DYM: variants seen among roughly 807,000 people sequenced by gnomAD.
DYM encodes dyggve-Melchior-Clausen syndrome protein.
DYM carries 78 observed loss-of-function variants against 93.1 expected under a neutral mutation model. That is an observed-to-expected ratio of 0.84 (90% CI 0.70 to 1.01). DYM has a LOEUF of 1.01. Ranked by LOEUF, DYM falls within the 50% of genes least tolerant of loss-of-function variation. The pLI, the probability that DYM is intolerant of heterozygous loss-of-function variation, is 0.00. For missense variants in DYM, 789 were observed against 845.0 expected (o/e 0.93, Z 0.82); for synonymous variants, 321 against 319.7 (o/e 1.00, Z -0.04).
chr18:49,152,121 T>C (rs1454695575), intron 15 of DYM, among the ~76,000 whole-genome samples: 2 of 152,124 alleles, frequency 1.3e-5, no homozygotes, highest in Non-Finnish European at 2.9e-5. Context: ...TGCAAACACA[T>C]CCTATTTCTT....
rs11437833 is a variant in DYM, at chr18:49,085,606, C to CTTTTT, written c.2025+11791_2025+11795dup. Among the ~76,000 whole-genome samples the CTTTTT allele has an allele frequency of 2.6e-4, 27 of 102,166 alleles. 1 individual carries two copies. The highest frequency in any genetic ancestry group is 4.0e-4 in the African/African-American group (11 of 27,766). 67.0% of individuals were successfully genotyped at this position (102,166 alleles called of 152,430 possible). A position where few individuals can be genotyped will look rare whatever the true frequency, so the allele number is the denominator to read the frequency against. On this transcript the variant is annotated intron_variant, in intron 17 of 17. Transcript: ENST00000675505. ...GGCAGATGAATAAGGACAACTGGTCCTTTTTTTTTTTTTTTTTTTTTGATG... is the reference window on the plus strand; with the variant it reads ...GGCAGATGAATAAGGACAACTGGTCCTTTTTTTTTTTTTTTTTTTTTTTTTTGATG...
intron 2 of DYM, chr18:49,412,903 C>T (rs2072443618): frequency 6.6e-6 from 1 of 152,170 alleles, no homozygotes; most frequent in Non-Finnish European, 1.5e-5. Flanking sequence ...ATTCAGGCAG[C>T]TCTGCTTAAA....
chr18:49,212,340 C>T (rs1242118490), intron 13 of DYM, among the ~76,000 whole-genome samples: 2 of 151,994 alleles, frequency 1.3e-5, no homozygotes, highest in Non-Finnish European at 2.9e-5. Flanking sequence ...AAGAAATACA[C>T]CATGTAGTAC....
At chr18:49,175,825 T>C (rs1415291023) in intron 14 of DYM, among the ~76,000 whole-genome samples, 2 of 152,122 alleles carry the variant, frequency 1.3e-5, no homozygotes, top group Non-Finnish European at 2.9e-5. Context: ...TCAAAAACTC[T>C]ATATATAGTA....
At chr18:49,199,603 C>A (rs1028790491) in intron 14 of DYM, among the ~76,000 whole-genome samples, 1 of 152,190 alleles carries the variant, frequency 6.6e-6, no homozygotes, top group Non-Finnish European at 1.5e-5. Context: ...TTTCATGCCA[C>A]AGAAGTGGCA....
intron 13 of DYM, among the ~76,000 whole-genome samples, chr18:49,252,634 C>A (rs574543462): frequency 6.6e-6 from 1 of 152,152 alleles, no homozygotes; most frequent in Non-Finnish European, 1.5e-5. Flanking sequence ...AAGTCATAGA[C>A]ATATATGTGA....
intron 15 of DYM, among the ~76,000 whole-genome samples, chr18:49,124,575 C>T (rs2082653049): frequency 6.6e-6 from 1 of 151,702 alleles, no homozygotes; most frequent in South Asian, 2.1e-4. Flanking sequence ...CTTTGCATGA[C>T]TCTGACTAAA....
intron 15 of DYM, among the ~76,000 whole-genome samples, chr18:49,141,918 A>G (rs112256304): frequency 0.025 from 3,854 of 152,046 alleles, 59 homozygotes; most frequent in South Asian, 0.066. Context: ...CAGTGGCGCA[A>G]TCTCCGCTCA....
At chr18:49,061,570 G>A (rs1003931152) in intron 17 of DYM, among the ~76,000 whole-genome samples, 1 of 152,212 alleles carries the variant, frequency 6.6e-6, no homozygotes, top group Non-Finnish European at 1.5e-5. Context: ...GAGACTACTT[G>A]GGAAACAATG....
Position 49,039,903 on chromosome 18 carries a change from A to G in DYM, c.*4152T>C, listed in dbSNP as rs1297906495. The stretch of plus-strand genomic sequence containing the variant: ...TCCTCTAATGGTTTTAATTCAAGTA[A>G]TTAATGTTGTCTGGTCTTCTCCCAT... On this transcript the variant is annotated 3_prime_UTR_variant, in exon 18 of 18. Coordinates refer to ENST00000675505, the MANE Select transcript of DYM (RefSeq NM_001353214.3). 3 of 152,208 alleles carry G rather than the reference A, an allele frequency of 2.0e-5. No homozygotes were observed. Among genetic ancestry groups the G allele is most frequent in the African/African-American group, 7.2e-5 (3 of 41,450 alleles). 9.4% of individuals were successfully genotyped at this position (152,208 alleles called of 1,614,324 possible). A position where few individuals can be genotyped will look rare whatever the true frequency, so the allele number is the denominator to read the frequency against.
intron 11 of DYM, 62 bp downstream of exon 11, chr18:49,272,116 T>C (rs138533901): frequency 1.9e-5 from 28 of 1,492,276 alleles, no homozygotes; most frequent in Middle Eastern, 3.5e-4. Flanking sequence ...GACTAGTAAA[T>C]CTTACGTAGG....
At chr18:49,187,898 G>C (rs2090602077) in intron 14 of DYM, among the ~76,000 whole-genome samples, 1 of 152,134 alleles carries the variant, frequency 6.6e-6, no homozygotes, top group Non-Finnish European at 1.5e-5. Flanking sequence ...AGTGAGTTCT[G>C]TGGTTTTGAT....
At chr18:49,288,659 A>G (rs2059819253) in intron 8 of DYM, among the ~76,000 whole-genome samples, 1 of 151,740 alleles carries the variant, frequency 6.6e-6, no homozygotes, top group Admixed American at 6.6e-5. Context: ...CATGCCTGAT[A>G]CTCCCAGCTA....
At chr18:49,200,409 TC>T (rs1339351491) in intron 14 of DYM, among the ~76,000 whole-genome samples, 7 of 151,972 alleles carry the variant, frequency 4.6e-5, no homozygotes, top group African/African-American at 9.7e-5. Flanking sequence ...TATATTTTTT[TC>T]ATTAAACATT....
intron 6 of DYM, among the ~76,000 whole-genome samples, chr18:49,344,223 C>T (rs1159809221): frequency 6.6e-6 from 1 of 152,094 alleles, no homozygotes; most frequent in Non-Finnish European, 1.5e-5. Context: ...TTAAGAAATA[C>T]ATTTTAAAGA....
chr18:49,329,301 G>C (rs1281302565), intron 8 of DYM, among the ~76,000 whole-genome samples: 1 of 119,276 alleles, frequency 8.4e-6, no homozygotes, highest in Non-Finnish European at 1.7e-5. Context: ...GGGGGGAGGG[G>C]GGAGGGATAG....
rs540189318 is a variant in DYM, at chr18:49,195,916, C to CTTTTTTTTTTTTTTTT, written c.1625+13619_1625+13634dup. ...ATTATGCTCTCTTGAATGCTACCATCTTTTTTTTTTTTTTTTTTTTTTTTT... is the reference window on the plus strand; with the variant it reads ...ATTATGCTCTCTTGAATGCTACCATCTTTTTTTTTTTTTTTTTTTTTTTTTTTTTTTTTTTTTTTTT... On this transcript the variant is annotated intron_variant, in intron 14 of 17. Coordinates refer to ENST00000675505, the MANE Select transcript of DYM (RefSeq NM_001353214.3). 1.8e-4 allele frequency among the ~76,000 whole-genome samples: 15 copies of CTTTTTTTTTTTTTTTT among 84,034 alleles called. 2 individuals carry two copies. Among genetic ancestry groups the CTTTTTTTTTTTTTTTT allele is most frequent in the African/African-American group, 6.8e-4 (12 of 17,746 alleles). 55.1% of individuals were successfully genotyped at this position (84,034 alleles called of 152,430 possible).
At chr18:49,051,075 AAAG>A (rs1304221989) in intron 17 of DYM, among the ~76,000 whole-genome samples, 3 of 152,250 alleles carry the variant, frequency 2.0e-5, no homozygotes, top group South Asian at 2.1e-4. Context: ...CCAGAAGCTG[AAAG>A]AAGCTCAGGC....
intron 16 of DYM, among the ~76,000 whole-genome samples, chr18:49,117,477 T>G (rs2082009941): frequency 6.6e-6 from 1 of 152,196 alleles, no homozygotes; most frequent in Non-Finnish European, 1.5e-5. Flanking sequence ...TTATTAGCCA[T>G]TTAGAGTTCC....
Sources: gnomAD v4.1 joint callset for allele counts (sites outside exome capture counted in the v4.1 genomes callset) on GRCh38, gnomAD v4.1.1 for gene constraint, MANE v1.5 for transcripts, NCBI Gene and HGNC (gene_info 2026-07-23, HGNC 2026-07-21) for gene names.